Variants in NRG1 observed in about 807,000 individuals in gnomAD.
The protein encoded by NRG1 is pro-neuregulin-1, membrane-bound isoform.
In NRG1, 18 loss-of-function variants were observed where a neutral mutation model predicts 63.8. The ratio of observed to expected loss-of-function variants is 0.28; its 90% CI spans 0.19 to 0.42. The LOEUF (loss-of-function observed/expected upper bound fraction) is 0.42, where lower values mean the gene tolerates loss of function less well. Among genes scored for constraint, NRG1 ranks in the 10% least tolerant of loss-of-function variants. NRG1 has a pLI of 1.00. For missense variants in NRG1, 762 were observed against 814.7 expected (o/e 0.94, Z 0.79); for synonymous variants, 302 against 301.3 (o/e 1.00, Z -0.02).
At chr8:32,027,466 T>TTCCTTCCTTCCTTCCCTCCCTCCCTCCC (rs1491191069) in intron 1 of NRG1, among the ~76,000 whole-genome samples, 2 of 60,858 alleles carry the variant, frequency 3.3e-5, no homozygotes, top group African/African-American at 1.6e-4. Flanking sequence ...CCTTCCTTCC[T>TTCCTTCCTTCCTTCCCTCCCTCCCTCCC]TCCCTCCCTC....
chr8:32,764,373 A>T, exon 12 of NRG1: 1 of 1,605,996 alleles, frequency 6.2e-7, no homozygotes. Flanking sequence ...GTCTAGTGTA[A>T]TTGCTAACCA....
intron 1 of NRG1, among the ~76,000 whole-genome samples, chr8:31,662,964 C>A (rs970231149): frequency 6.6e-6 from 1 of 152,180 alleles, no homozygotes; most frequent in Non-Finnish European, 1.5e-5. Flanking sequence ...TCTCTCCATG[C>A]CTGTGGCCAA....
chr8:32,308,099 G>GC (rs1207370913), intron 1 of NRG1, among the ~76,000 whole-genome samples: 1 of 152,040 alleles, frequency 6.6e-6, no homozygotes, highest in Non-Finnish European at 1.5e-5. Flanking sequence ...GGGTGTCTCT[G>GC]TTTTTTTGCT....
intron 1 of NRG1, among the ~76,000 whole-genome samples, chr8:31,871,029 G>A (rs1318499463): frequency 2.0e-4 from 30 of 149,168 alleles, no homozygotes; most frequent in Non-Finnish European, 3.0e-4. Context: ...TTGAGACGGA[G>A]TCTCACTCTG....
rs567360667 is a variant in NRG1 at position 32,213,760 on chromosome 8, G to A, written c.38-382068G>A. On this transcript the variant is annotated intron_variant, in intron 1 of 10. Coordinates refer to the NRG1 transcript ENST00000519301. ...TCCTACCACCCTCCTCCTTTCTCTG[G>A]CTGGGGCTTTGTAAATTGGACTGAC... Among the ~76,000 whole-genome samples, 12 of 152,136 alleles carry A rather than the reference G, an allele frequency of 7.9e-5. No homozygotes were observed. In the South Asian group the frequency reaches 2.3e-3, roughly 29 times the overall value.
intron 1 of NRG1, among the ~76,000 whole-genome samples, chr8:32,375,850 C>T (rs2271839): frequency 0.86 from 131,072 of 152,184 alleles, 57,137 homozygotes; most frequent in Non-Finnish European, 0.92. Flanking sequence ...CACAAGGCCA[C>T]CATGGCCAGC....
chr8:31,900,196 C>T (rs1831955201), intron 1 of NRG1, among the ~76,000 whole-genome samples: 1 of 152,126 alleles, frequency 6.6e-6, no homozygotes, highest in Non-Finnish European at 1.5e-5. Context: ...ATATACAGTC[C>T]AGTATGTGAA....
chr8:32,518,544 G>A (rs902824296), intron 1 of NRG1, among the ~76,000 whole-genome samples: 3 of 152,074 alleles, frequency 2.0e-5, no homozygotes, highest in African/African-American at 7.2e-5. Context: ...AAAGAGTGAC[G>A]ACATGTGAAG....
At chr8:32,187,912 C>G (rs1225764397) in intron 1 of NRG1, among the ~76,000 whole-genome samples, 2 of 152,174 alleles carry the variant, frequency 1.3e-5, no homozygotes, top group African/African-American at 4.8e-5. Flanking sequence ...CCACCTCCTC[C>G]TTGGTATGCC....
At chr8:31,903,462 G>C (rs1403337675) in intron 1 of NRG1, among the ~76,000 whole-genome samples, 2 of 151,764 alleles carry the variant, frequency 1.3e-5, no homozygotes, top group African/African-American at 2.4e-5. Flanking sequence ...CCTTCAACTT[G>C]ATTCTTCCAT....
chr8:32,773,015 T>C (rs1421437439), intron 7 of NRG1, among the ~76,000 whole-genome samples: 1 of 152,290 alleles, frequency 6.6e-6, no homozygotes, highest in East Asian at 1.9e-4. Flanking sequence ...TTTATAACCC[T>C]TATCTTCCCA....
intron 1 of NRG1, among the ~76,000 whole-genome samples, chr8:32,355,965 G>A (rs80027984): frequency 2.4e-4 from 36 of 152,018 alleles, no homozygotes; most frequent in Admixed American, 1.8e-3. Flanking sequence ...GCACGTGCGC[G>A]TGTGTGTGTG....
In NRG1 at chr8:31,668,971, C is replaced by T. The variant is rs191837511; in HGVS notation, c.37+29540C>T. Among the ~76,000 whole-genome samples, 278 of 152,178 alleles carry T rather than the reference C, an allele frequency of 1.8e-3. 2 individuals are homozygous for T. Among genetic ancestry groups the T allele is most frequent in the African/African-American group, 6.2e-3 (259 of 41,512 alleles). On this transcript the variant is annotated intron_variant, in intron 1 of 10. Coordinates refer to the NRG1 transcript ENST00000519301. The stretch of plus-strand genomic sequence containing the variant: ...TATACATAATGAGATATAGAGGGGA[C>T]GTGATCTGAGTCTAAACATGAAGTT...
chr8:32,540,018 C>T (rs1447479228), intron 1 of NRG1, among the ~76,000 whole-genome samples: 3 of 151,470 alleles, frequency 2.0e-5, no homozygotes, highest in African/African-American at 7.3e-5. Flanking sequence ...AACTGATAAA[C>T]AAAAAAAATC....
At chr8:32,071,344 G>A (rs559180786) in intron 1 of NRG1, among the ~76,000 whole-genome samples, 1 of 152,288 alleles carries the variant, frequency 6.6e-6, no homozygotes, top group South Asian at 2.1e-4. Context: ...CAGTCGTAGA[G>A]TATTCTGGTT....
At chr8:31,724,408 C>T (rs571167359) in intron 1 of NRG1, among the ~76,000 whole-genome samples, 139 of 152,130 alleles carry the variant, frequency 9.1e-4, no homozygotes, top group African/African-American at 3.1e-3. Context: ...TGTTCTTTTC[C>T]ACTGCATTGG....
intron 1 of NRG1, among the ~76,000 whole-genome samples, chr8:32,038,570 T>G (rs902190425): frequency 1.3e-5 from 2 of 152,178 alleles, no homozygotes. Flanking sequence ...CTAATAGAAT[T>G]GGAGGAAATA....
chr8:31,932,985 T>TTTTA (rs1425756894), intron 1 of NRG1, among the ~76,000 whole-genome samples: 1 of 152,194 alleles, frequency 6.6e-6, no homozygotes. Context: ...TTTGTTTTTC[T>TTTTA]TTTACTCAAA....
intron 1 of NRG1, among the ~76,000 whole-genome samples, chr8:32,133,094 G>A (rs1200479191): frequency 6.6e-6 from 1 of 151,860 alleles, no homozygotes; most frequent in African/African-American, 2.4e-5. Flanking sequence ...TTCACAAGCT[G>A]GATTTTATTT....
Sources: gnomAD v4.1 joint callset for allele counts (sites outside exome capture counted in the v4.1 genomes callset) on GRCh38, gnomAD v4.1.1 for gene constraint, MANE v1.5 for transcripts, NCBI Gene and HGNC (gene_info 2026-07-23, HGNC 2026-07-21) for gene names.